COL1A2: variants seen among roughly 807,000 people sequenced by gnomAD.
The protein encoded by COL1A2 is collagen alpha-2(I) chain.
COL1A2 carries 49 observed loss-of-function variants against 174.3 expected under a neutral mutation model. The observed-to-expected ratio is 0.28, with a 90% CI of 0.22 to 0.36. The LOEUF is 0.36. COL1A2 is among the 10% of genes least tolerant of loss of function. The probability of loss-of-function intolerance (pLI) is 1.00; values close to 1 mark genes in which losing one functional copy is unlikely to be tolerated. For synonymous variants in COL1A2, 655 were observed against 606.6 expected (o/e 1.08, Z -1.17); for missense variants, 1,438 against 1,822.7 (o/e 0.79, Z 3.84).
At chr7:94,423,312 G>A (rs752355573) in intron 40 of COL1A2, 194 bp downstream of exon 40, 19 of 643,414 alleles carry the variant, frequency 3.0e-5, no homozygotes, top group Admixed American at 8.1e-5. Flanking sequence ...GCACAAAATC[G>A]GGAAGACAAT....
intron 9 of COL1A2, 142 bp from the exon 10 acceptor site, chr7:94,405,057 G>T: frequency 9.2e-7 from 1 of 1,085,816 alleles, no homozygotes; most frequent in Non-Finnish European, 1.4e-6. Context: ...TAACCTACTT[G>T]TATTAAGGGA....
At position 94,426,994 on chromosome 7, in the gene COL1A2, T is replaced by C. The variant is rs983600073; in HGVS notation, c.3106-14T>C. 1 of 1,613,546 alleles carries C rather than the reference T, an allele frequency of 6.2e-7. No individual in the cohort carries two copies. The highest frequency in any genetic ancestry group is 8.5e-7 in the Non-Finnish European group (1 of 1,179,594). On this transcript the variant is annotated splice_polypyrimidine_tract_variant and intron_variant, in intron 46 of 51. Transcript: ENST00000297268. ...GTGCTCTGAAAGTGTGATTTTCCTC[T>C]TCTGTCTTTAAAGGGTCACCATGGT...
intron 37 of COL1A2, 25 bp downstream of exon 37, chr7:94,420,673 A>ACACAG: frequency 6.4e-7 from 1 of 1,555,158 alleles, no homozygotes; most frequent in Non-Finnish European, 8.7e-7. Flanking sequence ...CTGGTGGTCC[A>ACACAG]CACAGCAGCT....
chr7:94,430,136 T>G, intron 51 of COL1A2, 111 bp from the exon 52 acceptor site: 1 of 1,081,174 alleles, frequency 9.2e-7, no homozygotes, highest in Non-Finnish European at 1.4e-6. Flanking sequence ...GGGACAGACA[T>G]CTTCAGAATG....
chr7:94,422,755 G>C, intron 39 of COL1A2: 1 of 641,890 alleles, frequency 1.6e-6, no homozygotes, highest in Admixed American at 2.8e-5. Context: ...TATTTGGTTG[G>C]TTACAGCCTC....
Position 94,428,435 on chromosome 7 carries a change from G to C in COL1A2, c.3669G>C (p.Lys1223Asn). The C allele has an allele frequency of 6.2e-7, 1 of 1,614,130 alleles. No homozygotes were observed. The highest frequency in any genetic ancestry group is 8.5e-7 in the Non-Finnish European group (1 of 1,180,010). Residue 1223 changes from lysine (K) to asparagine (N), a missense_variant, in exon 50 of 52, where the codon AAG becomes AAC. By Grantham distance (94) the Lys-to-Asn change is moderately conservative. Coordinates refer to ENST00000297268, the MANE Select transcript of COL1A2 (RefSeq NM_000089.4). ...ACTGGTATAGGAGCTCCAAGGACAA[G>C]AAACACGTCTGGCTAGGAGAAACTA... ...AKNWYRSSKD[K>N]KHVWLGETIN...
chr7:94,430,135 A>G lies in COL1A2; in HGVS notation c.3955-112A>G, dbSNP rs868834308. ...ATGAACTTATTTATCTGGGACAGACATCTTCAGAATGACACATGCCAAACA... is the reference window on the plus strand; with the variant it reads ...ATGAACTTATTTATCTGGGACAGACGTCTTCAGAATGACACATGCCAAACA... On this transcript the variant is annotated intron_variant, in intron 51 of 51. Transcript: ENST00000297268. 8.7e-5 allele frequency: 93 copies of G among 1,071,288 alleles called. 1 individual carries two copies. The Middle Eastern group carries it at 6.0e-3, about 69-fold the overall frequency. 66.4% of individuals were successfully genotyped at this position (1,071,288 alleles called of 1,614,324 possible).
intron 11 of COL1A2, 86 bp from the exon 12 acceptor site, chr7:94,406,164 G>A (rs73426396): frequency 2.2e-6 from 3 of 1,394,284 alleles, no homozygotes; most frequent in African/African-American, 1.4e-5. Flanking sequence ...ACCCAAGAGA[G>A]ATTAATGGCA....
chr7:94,402,716 T>C (rs758570751), intron 6 of COL1A2, among the ~76,000 whole-genome samples: 1 of 152,122 alleles, frequency 6.6e-6, no homozygotes, highest in East Asian at 1.9e-4. Flanking sequence ...AATTTAGTGA[T>C]TTTAATTAAT....
At position 94,430,559 on chromosome 7, in the gene COL1A2, T is replaced by C; in HGVS notation, c.*166T>C. ...AAAAGAAGGATTGATCAGAGCATTGTGCAATACAGTTTCATTAACTCCTTC... is the reference window on the plus strand; with the variant it reads ...AAAAGAAGGATTGATCAGAGCATTGCGCAATACAGTTTCATTAACTCCTTC... On this transcript the variant is annotated 3_prime_UTR_variant, in exon 52 of 52. Transcript: ENST00000297268. 1 of 745,664 alleles carries C rather than the reference T, an allele frequency of 1.3e-6. No homozygotes were observed. The highest frequency in any genetic ancestry group is 2.7e-5 in the East Asian group (1 of 37,136). 46.2% of individuals were successfully genotyped at this position (745,664 alleles called of 1,614,324 possible).
In COL1A2 at chr7:94,428,326, C is replaced by T; in HGVS notation, c.3560C>T (p.Thr1187Ile). Residue 1187 changes from threonine to isoleucine, a missense_variant, in exon 50 of 52, where the codon ACT (threonine) becomes ATT (isoleucine). Physicochemically the swap from Thr to Ile is moderately conservative, Grantham distance 89. Around this residue, in one of 3 missense-constraint regions of COL1A2, gnomAD observed 290 missense variants for 298.1 expected, o/e 0.97. Coordinates refer to ENST00000297268, the MANE Select transcript of COL1A2 (RefSeq NM_000089.4). ...TGGATTGACCCTAACCAAGGATGCA[C>T]TATGGATGCTATCAAAGTATACTGT... ...YYWIDPNQGC[T>I]MDAIKVYCDF... The T allele has an allele frequency of 6.2e-7, 1 of 1,614,062 alleles. No individual in the cohort carries two copies. The highest frequency in any genetic ancestry group is 8.5e-7 in the Non-Finnish European group (1 of 1,179,944).
chr7:94,429,461 T>TA (rs752835935), intron 51 of COL1A2, 31 bp downstream of exon 51: 72 of 1,611,824 alleles, frequency 4.5e-5, no homozygotes, highest in Non-Finnish European at 5.4e-5. Flanking sequence ...GGAATAGCTT[T>TA]GGGAAGTGGG....
chr7:94,430,011 A>G (rs1792365844), intron 51 of COL1A2: 2 of 561,672 alleles, frequency 3.6e-6, no homozygotes, highest in Non-Finnish European at 6.3e-6. Flanking sequence ...GTGTGTTGAA[A>G]TGTTGTTGGT....
intron 49 of COL1A2, 95 bp downstream of exon 49, chr7:94,427,980 G>C: frequency 1.5e-6 from 2 of 1,340,838 alleles, no homozygotes; most frequent in Non-Finnish European, 2.1e-6. Flanking sequence ...ATGCATTTGG[G>C]TAAAGATTAC....
rs780096548 is a variant in COL1A2, at chr7:94,412,071, C to T, written c.1354C>T (p.Leu452Phe). 9 of 1,611,356 alleles carry T rather than the reference C, an allele frequency of 5.6e-6. No individual in the cohort carries two copies. Among genetic ancestry groups the T allele is most frequent in the Non-Finnish European group, 7.6e-6 (9 of 1,178,372 alleles). ...AACATCCTCATTTATTTTATAGGGTCTTCCTGGTTCCCCTGGAAATATCGG... is the reference window on the plus strand; with the variant it reads ...AACATCCTCATTTATTTTATAGGGTTTTCCTGGTTCCCCTGGAAATATCGG... ...GEPGLMGPRG[L>F]PGSPGNIGPA... is the part of the protein sequence containing the mutation. The change falls in exon 24 of 52, where the codon CTT (leucine) becomes TTT (phenylalanine). Residue 452 changes from leucine (L) to phenylalanine (F), a missense_variant. Leu to Phe is a conservative substitution (Grantham distance 22, BLOSUM62 0). Transcript: ENST00000297268.
rs1446623955 is a variant in COL1A2, at chr7:94,420,633, A to G, written c.2280A>G (p.Gly760=). 5 of 1,600,674 alleles carry G rather than the reference A, an allele frequency of 3.1e-6. No individual in the cohort carries two copies. Among genetic ancestry groups the G allele is most frequent in the Admixed American group, 3.4e-5 (2 of 58,046 alleles). Residue 760 remains glycine, a synonymous_variant, in exon 37 of 52, where the codon GGA becomes GGG. Transcript: ENST00000297268. The part of the protein sequence containing the change: ...NGVVGPTGPV[G]AAGPAGPNGP... ...TTGTTGGTCCCACAGGCCCCGTTGG[A>G]GCTGCTGGCCCAGCTGTAAGTTGAA...
chr7:94,397,790 A>G, intron 2 of COL1A2, 32 bp downstream of exon 2: 1 of 1,248,212 alleles, frequency 8.0e-7, no homozygotes, highest in African/African-American at 1.5e-5. Flanking sequence ...ATTTTTAAAA[A>G]TACTTTGATT....
intron 41 of COL1A2, chr7:94,424,703 T>C (rs942364039): frequency 8.0e-6 from 4 of 501,446 alleles, no homozygotes; most frequent in Non-Finnish European, 1.4e-5. Flanking sequence ...CAATCTCTAA[T>C]TGCGTTTACT....
At chr7:94,409,655 C>T in intron 18 of COL1A2, 47 bp downstream of exon 18, 2 of 1,613,572 alleles carry the variant, frequency 1.2e-6, no homozygotes, top group East Asian at 4.5e-5. Context: ...ATTTTAAAGG[C>T]ATTTAATGTG....
Sources: allele counts gnomAD v4.1 joint callset (sites outside exome capture counted in the v4.1 genomes callset), GRCh38; gene constraint gnomAD v4.1.1; regional missense constraint gnomAD v4.1.1; transcripts MANE v1.5; gene names NCBI Gene and HGNC (gene_info 2026-07-23, HGNC 2026-07-21).